Variants in GRID1 observed in about 807,000 individuals in gnomAD.
GRID1 encodes glutamate receptor ionotropic, delta-1.
In GRID1, 28 loss-of-function variants were observed where a neutral mutation model predicts 98.0. The observed-to-expected ratio is 0.29, with a 90% confidence interval of 0.21 to 0.39. The LOEUF (loss-of-function observed/expected upper bound fraction) is 0.39, where lower values mean the gene tolerates loss of function less well. Among genes scored for constraint, GRID1 ranks in the 10% least tolerant of loss-of-function variants. The probability of loss-of-function intolerance (pLI) is 1.00; values close to 1 mark genes in which losing one functional copy is unlikely to be tolerated. For missense variants in GRID1, 1,111 were observed against 1,340.5 expected (o/e 0.83, Z 2.67); for synonymous variants, 553 against 538.5 (o/e 1.03, Z -0.37).
At chr10:85,623,069 T>C (rs961323614) in intron 13 of GRID1, among the ~76,000 whole-genome samples, 1 of 152,176 alleles carries the variant, frequency 6.6e-6, no homozygotes, top group Non-Finnish European at 1.5e-5. Flanking sequence ...CCTTAGGAAA[T>C]ACCCTCCATT....
chr10:86,322,937 CA>C (rs569913560), intron 2 of GRID1, among the ~76,000 whole-genome samples: 2,099 of 135,268 alleles, frequency 0.016, 38 homozygotes, highest in South Asian at 0.04. Flanking sequence ...ACTAAAAATA[CA>C]AAAAAAAAAA....
At chr10:86,354,322 A>G (rs768119705) in intron 2 of GRID1, among the ~76,000 whole-genome samples, 2 of 152,248 alleles carry the variant, frequency 1.3e-5, no homozygotes, top group Non-Finnish European at 2.9e-5. Flanking sequence ...CCAGAGACCA[A>G]GAGGTGTCGT....
chr10:85,858,312 G>A (rs1327528233), intron 6 of GRID1, among the ~76,000 whole-genome samples: 1 of 152,150 alleles, frequency 6.6e-6, no homozygotes, highest in Non-Finnish European at 1.5e-5. Context: ...TCAGTGCCTG[G>A]TCTGACCTTC....
chr10:86,101,820 T>C (rs1044899412), intron 4 of GRID1, among the ~76,000 whole-genome samples: 4 of 152,006 alleles, frequency 2.6e-5, no homozygotes, highest in African/African-American at 7.2e-5. Flanking sequence ...TTTTATTTTA[T>C]TTATTTATTT....
Position 85,729,695 on chromosome 10 carries a change from C to A in GRID1, c.1234-81G>T, listed in dbSNP as rs1294024780. On this transcript the variant is annotated intron_variant, in intron 8 of 15. Coordinates refer to ENST00000327946, the MANE Select transcript of GRID1 (RefSeq NM_017551.3). Reference sequence around the variant, plus strand: ...AGGACCTCGGCTCCTACACTGGGATCCTGAATTAGGCAGGTAGGTGAACAG... The same window carrying A: ...AGGACCTCGGCTCCTACACTGGGATACTGAATTAGGCAGGTAGGTGAACAG... The A allele has an allele frequency of 4.9e-6, 4 of 821,588 alleles. No individual in the cohort carries two copies. In the Admixed American group the frequency reaches 6.2e-5, roughly 13 times the overall value. The allele number at this position is 821,588 out of a possible 1,614,324, so 50.9% of individuals were successfully genotyped here.
intron 3 of GRID1, among the ~76,000 whole-genome samples, chr10:86,182,765 A>G (rs551650821): frequency 1.3e-5 from 2 of 152,336 alleles, no homozygotes; most frequent in South Asian, 4.1e-4. Context: ...CTCGTGTGTG[A>G]CAGGAATTCC....
intron 13 of GRID1, among the ~76,000 whole-genome samples, chr10:85,624,559 GA>G (rs1257010392): frequency 6.6e-6 from 1 of 152,230 alleles, no homozygotes; most frequent in Non-Finnish European, 1.5e-5. Flanking sequence ...CAGGAGCTAT[GA>G]AACGTATTTG....
At chr10:85,651,056 C>T (rs1843262212) in intron 12 of GRID1, among the ~76,000 whole-genome samples, 1 of 152,176 alleles carries the variant, frequency 6.6e-6, no homozygotes, top group African/African-American at 2.4e-5. Context: ...GAAGGTGGTG[C>T]TCAGCAGTCT....
intron 13 of GRID1, among the ~76,000 whole-genome samples, chr10:85,643,492 G>A (rs755639959): frequency 2.6e-5 from 4 of 152,176 alleles, no homozygotes; most frequent in Non-Finnish European, 5.9e-5. Context: ...CTGGGGGCAG[G>A]GAGCAGAGGG....
chr10:86,320,321 G>A (rs1055272071), intron 2 of GRID1, among the ~76,000 whole-genome samples: 8 of 152,142 alleles, frequency 5.3e-5, no homozygotes, highest in African/African-American at 1.9e-4. Context: ...CATTGTAGAG[G>A]GTGGATCTCA....
At chr10:86,310,295 T>C (rs1847814981) in intron 2 of GRID1, among the ~76,000 whole-genome samples, 1 of 152,146 alleles carries the variant, frequency 6.6e-6, no homozygotes, top group Admixed American at 6.5e-5. Context: ...TTCTCCATCA[T>C]GCTCTTCTCA....
chr10:85,977,801 A>C (rs972982578), intron 4 of GRID1, among the ~76,000 whole-genome samples: 1 of 152,128 alleles, frequency 6.6e-6, no homozygotes, highest in Non-Finnish European at 1.5e-5. Flanking sequence ...CTCCCCGCCG[A>C]CCCAGTGAAA....
chr10:86,231,744 G>A (rs1166533384), intron 2 of GRID1, among the ~76,000 whole-genome samples: 1 of 152,182 alleles, frequency 6.6e-6, no homozygotes, highest in Non-Finnish European at 1.5e-5. Flanking sequence ...TTAGACAGCT[G>A]ACCTCAATCA....
intron 8 of GRID1, among the ~76,000 whole-genome samples, chr10:85,831,677 C>G (rs913427436): frequency 6.6e-6 from 1 of 151,968 alleles, no homozygotes; most frequent in Non-Finnish European, 1.5e-5. Flanking sequence ...AGAAAAACTT[C>G]TATGCTTGGA....
At chr10:86,000,747 C>A (rs1307955811) in intron 4 of GRID1, among the ~76,000 whole-genome samples, 1 of 152,108 alleles carries the variant, frequency 6.6e-6, no homozygotes, top group Non-Finnish European at 1.5e-5. Context: ...TGAAATTAAG[C>A]CTCACACCTT....
At chr10:86,220,038 G>A (rs1846230803) in intron 2 of GRID1, among the ~76,000 whole-genome samples, 1 of 152,222 alleles carries the variant, frequency 6.6e-6, no homozygotes, top group Admixed American at 6.5e-5. Context: ...AGAAGAACAA[G>A]TCATGGCACC....
intron 2 of GRID1, among the ~76,000 whole-genome samples, chr10:86,283,908 A>C (rs147706981): frequency 2.6e-5 from 4 of 151,172 alleles, no homozygotes; most frequent in Admixed American, 6.6e-5. Flanking sequence ...CTGTATATAC[A>C]CACCTGCCCT....
intron 8 of GRID1, among the ~76,000 whole-genome samples, chr10:85,788,336 A>C (rs1256448160): frequency 6.6e-6 from 1 of 152,118 alleles, no homozygotes; most frequent in Non-Finnish European, 1.5e-5. Context: ...CTCCCAAAGC[A>C]CACTTTGGAA....
rs746061091 is a variant in GRID1, at chr10:85,723,074, G to A, written c.1926C>T (p.Leu642=). ...TGGCTGTGTAGGAGGAGCACACAATGAGCGTGAAGAGCCACCAGCTGCCCA... is the reference window on the plus strand; with the variant it reads ...TGGCTGTGTAGGAGGAGCACACAATAAGCGTGAAGAGCCACCAGCTGCCCA... ...IVMGSWWLFT[L]IVCSSYTANL... is the part of the protein sequence containing the mutation. Residue 642 remains leucine (L), a synonymous_variant, in exon 12 of 16, where the codon CTC becomes CTT. Transcript: ENST00000327946. 6.2e-7 allele frequency: 1 copy of A among 1,612,550 alleles called. No homozygotes were observed. Among genetic ancestry groups the A allele is most frequent in the Non-Finnish European group, 8.5e-7 (1 of 1,179,260 alleles).
Sources: allele counts gnomAD v4.1 joint callset (sites outside exome capture counted in the v4.1 genomes callset), GRCh38; gene constraint gnomAD v4.1.1; transcripts MANE v1.5; gene names NCBI Gene and HGNC (gene_info 2026-07-23, HGNC 2026-07-21).